GIMAP8: variants seen among roughly 807,000 people sequenced by gnomAD.
GIMAP8 encodes the protein GTPase, IMAP family member 8, also known as GTPase IMAP family member 8.
GIMAP8 carries 29 observed loss-of-function variants against 35.6 expected under a neutral mutation model. The observed-to-expected ratio is 0.81, with a 90% confidence interval of 0.61 to 1.11. The LOEUF (loss-of-function observed/expected upper bound fraction) is 1.11, where lower values mean the gene tolerates loss of function less well. Among genes scored for constraint, GIMAP8 ranks in the 50% most tolerant of loss-of-function variants. The pLI is 0.00. For synonymous variants in GIMAP8, 335 were observed against 308.7 expected, an observed-to-expected ratio of 1.09 and a Z score of -0.89; for missense variants, 811 against 805.0, an observed-to-expected ratio of 1.01 and a Z score of -0.09.
At chr7:150,452,709 T>TATATACACAC (rs1373884339) in intron 1 of GIMAP8, among the ~76,000 whole-genome samples, 43 of 106,622 alleles carry the variant, frequency 4.0e-4, no homozygotes, top group Admixed American at 1.7e-3. Flanking sequence ...TATATATATA[T>TATATACACAC]ACATGCGAGT....
chr7:150,465,260 C>G (rs531215431), intron 1 of GIMAP8, among the ~76,000 whole-genome samples: 1 of 152,280 alleles, frequency 6.6e-6, no homozygotes, highest in Admixed American at 6.5e-5. Flanking sequence ...TAGGGAGAGC[C>G]ACTCTCTTGT....
chr7:150,467,415 T>C, intron 2 of GIMAP8, 81 bp downstream of exon 2: 2 of 1,093,204 alleles, frequency 1.8e-6, no homozygotes, highest in South Asian at 1.5e-5. Flanking sequence ...AAATGAAATA[T>C]TGCATTGTGT....
intron 2 of GIMAP8, among the ~76,000 whole-genome samples, chr7:150,468,660 GT>G (rs1802027533): frequency 6.6e-6 from 1 of 152,200 alleles, no homozygotes; most frequent in East Asian, 1.9e-4. Flanking sequence ...ATGCTTGTAT[GT>G]ATTTGTATGA....
chr7:150,477,279 G>T lies in GIMAP8; in HGVS notation c.1497G>T (p.Gln499His), dbSNP rs758626621. The change falls in exon 5 of 5, where the codon CAG (glutamine) becomes CAT (histidine). Residue 499 changes from glutamine to histidine, a missense_variant. Coordinates refer to ENST00000307271, the MANE Select transcript of GIMAP8 (RefSeq NM_175571.4). ...TTGTGGACACTCCTTCCTTCAACCAGATGCTGGATGTCGAAAAGGACCCAT... is the reference window on the plus strand; with the variant it reads ...TTGTGGACACTCCTTCCTTCAACCATATGCTGGATGTCGAAAAGGACCCAT... ...VVVVDTPSFN[Q>H]MLDVEKDPSR... The T allele has an allele frequency of 6.2e-7, 1 of 1,614,142 alleles. No individual in the cohort carries two copies. The highest frequency in any genetic ancestry group is 8.5e-7 in the Non-Finnish European group (1 of 1,180,002).
intron 1 of GIMAP8, among the ~76,000 whole-genome samples, chr7:150,452,994 G>A (rs1236720546): frequency 1.3e-5 from 2 of 151,990 alleles, no homozygotes; most frequent in Non-Finnish European, 2.9e-5. Flanking sequence ...CTACATGCCA[G>A]GCACAATGTT....
rs768963953 is a variant in GIMAP8, at chr7:150,477,320, A to G, written c.1538A>G (p.Glu513Gly). Residue 513 changes from glutamate (E) to glycine (G), a missense_variant, in exon 5 of 5, where the codon GAG (glutamate) becomes GGG (glycine). Glu to Gly is a moderately conservative substitution (Grantham distance 98, BLOSUM62 -2). Transcript: ENST00000307271. ...AAGGACCCATCCCGGTTAGAAGAGGAGGTCAAGCGCTGTTTGTCCTGCTGT... is the reference window on the plus strand; with the variant it reads ...AAGGACCCATCCCGGTTAGAAGAGGGGGTCAAGCGCTGTTTGTCCTGCTGT... ...VEKDPSRLEE[E>G]VKRCLSCCEK... is the part of the protein sequence containing the mutation. The G allele has an allele frequency of 1.2e-6, 2 of 1,613,932 alleles. No homozygotes were observed. The highest frequency in any genetic ancestry group is 2.7e-5 in the African/African-American group (2 of 74,892).
chr7:150,462,744 C>G (rs1402235993), intron 1 of GIMAP8, among the ~76,000 whole-genome samples: 4 of 152,106 alleles, frequency 2.6e-5, no homozygotes, highest in African/African-American at 9.7e-5. Context: ...TGACTTGAGA[C>G]TTTTATCTTG....
rs954717123 is a variant in GIMAP8 at position 150,474,592 on chromosome 7, C to T, written c.1263C>T (p.Ser421=). ...QADELLEKIE[S]MVHQNGNKHC... ...ACGAGCTCCTGGAAAAAATTGAGAG[C>T]ATGGTGCATCAGAATGGGAACAAGC... is the stretch of plus-strand genomic sequence containing the variant. Residue 421 remains serine, a synonymous_variant, in exon 4 of 5, where the codon AGC becomes AGT. Coordinates refer to ENST00000307271, the MANE Select transcript of GIMAP8 (RefSeq NM_175571.4). 9.3e-6 allele frequency: 15 copies of T among 1,612,166 alleles called. No homozygotes were observed. The African/African-American group carries it at 1.2e-4, about 13-fold the overall frequency.
chr7:150,452,816 G>A (rs1326077990), intron 1 of GIMAP8, among the ~76,000 whole-genome samples: 2 of 150,696 alleles, frequency 1.3e-5, no homozygotes, highest in Non-Finnish European at 3.0e-5. Flanking sequence ...TCAAACTCCT[G>A]ATCTCGAGGG....
chr7:150,467,347 T>C lies in GIMAP8; in HGVS notation c.636+13T>C. On this transcript the variant is annotated intron_variant, in intron 2 of 4. Transcript: ENST00000307271. ...CAGCAGGTTTCAAGTAAGAATTTTG[T>C]TAATATCTTGAAAGATCTCTATGTT... 1 of 1,602,562 alleles carries C rather than the reference T, an allele frequency of 6.2e-7. No homozygotes were observed.
intron 1 of GIMAP8, among the ~76,000 whole-genome samples, chr7:150,456,412 C>T (rs1257155062): frequency 6.6e-6 from 1 of 152,190 alleles, no homozygotes; most frequent in Non-Finnish European, 1.5e-5. Flanking sequence ...GCTCCTTCCT[C>T]TGTCTTTAAA....
At position 150,472,625 on chromosome 7, in the gene GIMAP8, G is replaced by C. The variant is rs1308304422; in HGVS notation, c.683-1387G>C. ...CTGTATGGTCTCTCTAAATTGAAGAGAGTCCATATTCGAAATAAATATAAA... is the reference window on the plus strand; with the variant it reads ...CTGTATGGTCTCTCTAAATTGAAGACAGTCCATATTCGAAATAAATATAAA... On this transcript the variant is annotated intron_variant, in intron 3 of 4. Transcript: ENST00000307271. The surrounding 1 kb of genome is among the most constrained non-coding windows in gnomAD (Gnocchi z 4.1). Among the ~76,000 whole-genome samples the C allele has an allele frequency of 6.6e-6, 1 of 152,178 alleles. No individual in the cohort carries two copies. The highest frequency in any genetic ancestry group is 1.9e-4 in the East Asian group (1 of 5,198).
At chr7:150,471,270 T>A (rs776769058) in intron 3 of GIMAP8, among the ~76,000 whole-genome samples, 1 of 152,222 alleles carries the variant, frequency 6.6e-6, no homozygotes, top group Non-Finnish European at 1.5e-5. Context: ...GGTGCAGTAT[T>A]CAGGTGATGA....
In GIMAP8 at chr7:150,477,622, G is replaced by A. The variant is rs947018771; in HGVS notation, c.1840G>A (p.Val614Met). Residue 614 changes from valine to methionine, a missense_variant, in exon 5 of 5, where the codon GTG becomes ATG. Transcript: ENST00000307271. The stretch of plus-strand genomic sequence containing the variant: ...AACAGGCCAGGCCCAGGAAACCCAG[G>A]TGAAAGCTCTTTTAACAAAGGTCAA... ...KETGQAQETQVKALLTKVNDL... is the reference protein window; with the variant it reads ...KETGQAQETQMKALLTKVNDL... 12 of 1,614,180 alleles carry A rather than the reference G, an allele frequency of 7.4e-6. No homozygotes were observed. Among genetic ancestry groups the A allele is most frequent in the African/African-American group, 1.3e-5 (1 of 75,028 alleles).
At chr7:150,470,899 A>C (rs1187793933) in intron 3 of GIMAP8, 25 bp downstream of exon 3, 2 of 1,520,952 alleles carry the variant, frequency 1.3e-6, no homozygotes, top group Middle Eastern at 1.7e-4. Flanking sequence ...AAGAAACATT[A>C]AGCTCACACT....
At chr7:150,464,196 G>T (rs1585114962) in intron 1 of GIMAP8, among the ~76,000 whole-genome samples, 1 of 152,278 alleles carries the variant, frequency 6.6e-6, no homozygotes, top group Non-Finnish European at 1.5e-5. Flanking sequence ...AAAAGGAAAA[G>T]AACCTAAAAT....
intron 3 of GIMAP8, among the ~76,000 whole-genome samples, chr7:150,473,782 T>C (rs1160886790): frequency 6.6e-6 from 1 of 151,954 alleles, no homozygotes; most frequent in Non-Finnish European, 1.5e-5. Flanking sequence ...AGTTGGCATG[T>C]TCGTGTTCCT....
chr7:150,477,753 T>C lies in GIMAP8; in HGVS notation c.1971T>C (p.Leu657=), dbSNP rs753351698. 6.2e-7 allele frequency: 1 copy of C among 1,613,134 alleles called. No individual in the cohort carries two copies. The highest frequency in any genetic ancestry group is 1.1e-5 in the South Asian group (1 of 91,030). Residue 657 remains leucine (L), a synonymous_variant, in exon 5 of 5, where the codon CTT becomes CTC. Coordinates refer to ENST00000307271, the MANE Select transcript of GIMAP8 (RefSeq NM_175571.4). ...AAATGTCCCAAGCCGAAAAACTCCTTAAAAATTTAATAGGTATTTTACAAT... is the reference window on the plus strand; with the variant it reads ...AAATGTCCCAAGCCGAAAAACTCCTCAAAAATTTAATAGGTATTTTACAAT... ...VQEMSQAEKL[L]KNLIGILQ is the part of the protein sequence containing the mutation.
chr7:150,475,175 C>T lies in GIMAP8; in HGVS notation c.1309+537C>T, dbSNP rs368725858. ...TGTGTTAGTCTGCTTAGGATGGCAG[C>T]CTCCAGCTCTATCTATGTTACTGCA... On this transcript the variant is annotated intron_variant, in intron 4 of 4. Coordinates refer to ENST00000307271, the MANE Select transcript of GIMAP8 (RefSeq NM_175571.4). Among the ~76,000 whole-genome samples, 155 of 152,306 alleles carry T rather than the reference C, an allele frequency of 1.0e-3. 1 individual carries two copies. The South Asian group carries it at 0.031, about 31-fold the overall frequency.
Sources: allele counts gnomAD v4.1 joint callset (sites outside exome capture counted in the v4.1 genomes callset), GRCh38; gene constraint gnomAD v4.1.1; non-coding constraint Gnocchi (gnomAD v3.1); transcripts MANE v1.5; gene names NCBI Gene and HGNC (gene_info 2026-07-23, HGNC 2026-07-21).